Variants in ARK2C observed in about 807,000 individuals in gnomAD.
ARK2C encodes the protein arkadia (RNF111) C-terminal like ring finger ubiquitin ligase 2C.
At chr18:46,436,932 G>A in the ARK2C span, among the ~76,000 whole-genome samples, 2 of 152,224 alleles carry the variant, frequency 1.3e-5, no homozygotes, top group East Asian at 1.9e-4. Flanking sequence ...ACACACAAGG[G>A]CCTACAGGGA....
At chr18:46,405,977 C>A in the ARK2C span, among the ~76,000 whole-genome samples, 1 of 152,100 alleles carries the variant, frequency 6.6e-6, no homozygotes, top group African/African-American at 2.4e-5. Context: ...CACTCATCCA[C>A]ACATGCCACC....
At chr18:46,428,968 C>T in the ARK2C span, among the ~76,000 whole-genome samples, 5 of 152,150 alleles carry the variant, frequency 3.3e-5, no homozygotes, top group African/African-American at 1.2e-4. Context: ...TCTTCTTTAT[C>T]CCTCTACTGT....
At chr18:46,391,764 GCA>G in the ARK2C span, among the ~76,000 whole-genome samples, 1 of 150,740 alleles carries the variant, frequency 6.6e-6, no homozygotes, top group Non-Finnish European at 1.5e-5. Context: ...ACACACACAC[GCA>G]CACACACACT....
the ARK2C span, among the ~76,000 whole-genome samples, chr18:46,351,471 A>G: frequency 1.3e-5 from 2 of 152,112 alleles, no homozygotes; most frequent in Non-Finnish European, 2.9e-5. Context: ...TGGGTCCTTG[A>G]GCCAAATGGT....
the ARK2C span, among the ~76,000 whole-genome samples, chr18:46,358,251 C>T: frequency 6.6e-6 from 1 of 152,110 alleles, no homozygotes; most frequent in South Asian, 2.1e-4. Context: ...TTTGCGCAGG[C>T]TGGGGTGGAC....
At chr18:46,452,090 A>G in the ARK2C span, among the ~76,000 whole-genome samples, 1 of 152,194 alleles carries the variant, frequency 6.6e-6, no homozygotes, top group Non-Finnish European at 1.5e-5. Flanking sequence ...GACATTATGC[A>G]TTTGTCAAAA....
the ARK2C span, among the ~76,000 whole-genome samples, chr18:46,437,961 C>A: frequency 6.6e-6 from 1 of 152,318 alleles, no homozygotes; most frequent in Middle Eastern, 3.4e-3. Flanking sequence ...AGCAAAGCTC[C>A]CAAAGCTCCC....
the ARK2C span, among the ~76,000 whole-genome samples, chr18:46,396,031 C>T: frequency 2.0e-5 from 3 of 152,216 alleles, no homozygotes; most frequent in Non-Finnish European, 4.4e-5. Flanking sequence ...TGTGGTCTCT[C>T]ATGGTCCAGC....
chr18:46,443,619 C>T, the ARK2C span, among the ~76,000 whole-genome samples: 8 of 152,190 alleles, frequency 5.3e-5, no homozygotes, highest in African/African-American at 2.4e-5. Flanking sequence ...AACATAGACA[C>T]ATCTATTTGT....
chr18:46,390,602 A>G, the ARK2C span, among the ~76,000 whole-genome samples: 7 of 152,324 alleles, frequency 4.6e-5, no homozygotes, highest in East Asian at 1.3e-3. Context: ...TCTCAAAGTG[A>G]TAGAAATAAG....
At chr18:46,438,100 C>T in the ARK2C span, among the ~76,000 whole-genome samples, 9 of 152,194 alleles carry the variant, frequency 5.9e-5, no homozygotes, top group South Asian at 2.1e-4. Flanking sequence ...TAAAGTTCAG[C>T]GTGATGTTTA....
At chr18:46,385,226 A>C in the ARK2C span, among the ~76,000 whole-genome samples, 1 of 152,198 alleles carries the variant, frequency 6.6e-6, no homozygotes, top group Non-Finnish European at 1.5e-5. Flanking sequence ...GTCCTGCCTC[A>C]CCAATTACAG....
chr18:46,374,416 C>A, the ARK2C span, among the ~76,000 whole-genome samples: 57 of 152,230 alleles, frequency 3.7e-4, no homozygotes, highest in African/African-American at 1.3e-3. Flanking sequence ...CACGAACTCC[C>A]CATTCTCCTC....
the ARK2C span, among the ~76,000 whole-genome samples, chr18:46,348,376 G>T: frequency 1.3e-5 from 2 of 152,190 alleles, no homozygotes; most frequent in East Asian, 1.9e-4. Context: ...TTGCCTATTG[G>T]CCAGCGTTGC....
the ARK2C span, among the ~76,000 whole-genome samples, chr18:46,451,620 C>A: frequency 6.6e-6 from 1 of 152,074 alleles, no homozygotes; most frequent in Non-Finnish European, 1.5e-5. Context: ...AATAGTGAGA[C>A]CTCATCTCTA....
the ARK2C span, among the ~76,000 whole-genome samples, chr18:46,410,650 T>C: frequency 5.9e-5 from 9 of 152,174 alleles, no homozygotes; most frequent in Non-Finnish European, 1.0e-4. Flanking sequence ...TCACCAATAA[T>C]TGTCCATGGG....
At chr18:46,400,444 C>T in the ARK2C span, among the ~76,000 whole-genome samples, 1 of 152,162 alleles carries the variant, frequency 6.6e-6, no homozygotes, top group Non-Finnish European at 1.5e-5. Flanking sequence ...CATTATGGCC[C>T]CTGTCACCTC....
At chr18:46,341,692 C>T in the ARK2C span, among the ~76,000 whole-genome samples, 4 of 152,158 alleles carry the variant, frequency 2.6e-5, no homozygotes, top group African/African-American at 9.7e-5. Flanking sequence ...TTGTCCCCCC[C>T]AGACTCTCTG....
the ARK2C span, among the ~76,000 whole-genome samples, chr18:46,365,186 G>C: frequency 6.6e-6 from 1 of 152,172 alleles, no homozygotes; most frequent in African/African-American, 2.4e-5. Flanking sequence ...ACTTAACCTG[G>C]CTGAAGGGGA....
Sources: allele counts gnomAD v4.1 joint callset (sites outside exome capture counted in the v4.1 genomes callset), GRCh38; gene constraint gnomAD v4.1.1; transcripts MANE v1.5; gene names NCBI Gene and HGNC (gene_info 2026-07-23, HGNC 2026-07-21).